CALY: variants seen among roughly 807,000 people sequenced by gnomAD.
CALY encodes neuron-specific vesicular protein calcyon.
In CALY, 15 loss-of-function variants were observed where a neutral mutation model predicts 20.2. The ratio of observed to expected loss-of-function variants is 0.74; its 90% confidence interval spans 0.50 to 1.14. The LOEUF (loss-of-function observed/expected upper bound fraction) is 1.14. Ranked by LOEUF, CALY falls within the 50% of genes most tolerant of loss-of-function variation. The pLI, the probability that CALY is intolerant of heterozygous loss-of-function variation, is 0.00. For missense variants in CALY, 270 were observed against 304.4 expected (o/e 0.89, Z 0.84); for synonymous variants, 129 against 131.8 (o/e 0.98, Z 0.15).
intron 1 of CALY, among the ~76,000 whole-genome samples, chr10:133,336,077 CGT>C (rs1848437140): frequency 6.6e-6 from 1 of 152,110 alleles, no homozygotes; most frequent in Non-Finnish European, 1.5e-5. Flanking sequence ...GGCACCAGCG[CGT>C]GTGACTGCGG....
intron 1 of CALY, among the ~76,000 whole-genome samples, chr10:133,330,953 G>A (rs1848296832): frequency 6.6e-6 from 1 of 152,142 alleles, no homozygotes; most frequent in African/African-American, 2.4e-5. Context: ...ATACAACAAG[G>A]TAACATATCA....
chr10:133,333,372 G>A lies in CALY; in HGVS notation c.-21+3462C>T, dbSNP rs185912879. Among the ~76,000 whole-genome samples the A allele has an allele frequency of 4.0e-3, 558 of 140,346 alleles. 4 individuals are homozygous for A. The highest frequency in any genetic ancestry group is 8.0e-3 in the South Asian group (31 of 3,876). 92.1% of individuals were successfully genotyped at this position (140,346 alleles called of 152,430 possible). On this transcript the variant is annotated intron_variant, in intron 1 of 5. Transcript: ENST00000252939. ...GGGGAAGGATTGCGCGGGTGGGGGT[G>A]GGGTGGAGGGGAGGGATCCGAGCGG...
intron 3 of CALY, chr10:133,327,543 G>A: frequency 1.7e-6 from 1 of 576,210 alleles, no homozygotes; most frequent in East Asian, 2.8e-5. Context: ...GATGAGAGAA[G>A]ATATTTGCCA....
At chr10:133,327,204 A>G (rs554698364) in intron 3 of CALY, among the ~76,000 whole-genome samples, 48 of 151,960 alleles carry the variant, frequency 3.2e-4, no homozygotes, top group Admixed American at 8.5e-4. Context: ...TGGCCCCTCC[A>G]CTGGGGTTCT....
chr10:133,336,035 G>A (rs949953422), intron 1 of CALY, among the ~76,000 whole-genome samples: 1 of 152,084 alleles, frequency 6.6e-6, no homozygotes, highest in East Asian at 1.9e-4. Context: ...CGTCACGCTG[G>A]GGGGTGCGCG....
intron 4 of CALY, among the ~76,000 whole-genome samples, chr10:133,326,537 C>T (rs980998831): frequency 6.6e-6 from 1 of 151,942 alleles, no homozygotes; most frequent in Non-Finnish European, 1.5e-5. Flanking sequence ...AAAATATCTG[C>T]CAAATAGGTG....
chr10:133,334,808 G>C (rs556427024), intron 1 of CALY, among the ~76,000 whole-genome samples: 73 of 152,164 alleles, frequency 4.8e-4, no homozygotes, highest in African/African-American at 1.6e-3. Context: ...ACCTGGCCAC[G>C]CGCTTTGGGG....
intron 3 of CALY, chr10:133,327,426 CG>C: frequency 8.0e-6 from 4 of 500,238 alleles, no homozygotes; most frequent in Non-Finnish European, 1.4e-5. Flanking sequence ...AGGCCAGGGG[CG>C]GGGAGCCCTA....
chr10:133,328,924 A>T lies in CALY; in HGVS notation c.66T>A (p.Ala22=). ...PGKDPGDQDG[A]AMDSVPLISP... ...TGATCAGAGGCACACTGTCCATGGC[A>T]GCCCCATCCTGGTCCCCAGGGTCTT... Residue 22 remains alanine, a synonymous_variant, in exon 2 of 6, where the codon GCT becomes GCA. Transcript: ENST00000252939. 1 of 1,557,884 alleles carries T rather than the reference A, an allele frequency of 6.4e-7. No homozygotes were observed. Among genetic ancestry groups the T allele is most frequent in the Non-Finnish European group, 8.7e-7 (1 of 1,150,490 alleles).
rs536650266 is a variant in CALY, at chr10:133,329,573, A to G, written c.-20-564T>C. 2.0e-5 allele frequency among the ~76,000 whole-genome samples: 3 copies of G among 150,930 alleles called. No homozygotes were observed. The East Asian group carries it at 5.9e-4, about 30-fold the overall frequency. ...GCTAATTTTTAAAATTTGTGTAGAG[A>G]CGGGGTTTCGTCAGGTTGCCCAGGC... On this transcript the variant is annotated intron_variant, in intron 1 of 5. Transcript: ENST00000252939.
At chr10:133,327,869 C>T in intron 3 of CALY, 36 bp downstream of exon 3, 2 of 1,408,444 alleles carry the variant, frequency 1.4e-6, no homozygotes, top group South Asian at 1.2e-5. Context: ...TCCTCCTGTC[C>T]TGAGTCCCCA....
At chr10:133,326,172 C>G in intron 4 of CALY, 52 bp from the exon 5 acceptor site, 1 of 1,572,724 alleles carries the variant, frequency 6.4e-7, no homozygotes, top group Non-Finnish European at 8.6e-7. Context: ...CCTGTGCGCC[C>G]CGGGCCCAGG....
Position 133,326,036 on chromosome 10 carries a change from C to G in CALY, c.445G>C (p.Gly149Arg). Residue 149 changes from glycine (G) to arginine (R), a missense_variant, in exon 5 of 6, where the codon GGG becomes CGG. Gly to Arg is a moderately radical substitution (Grantham distance 125). Coordinates refer to ENST00000252939, the MANE Select transcript of CALY (RefSeq NM_015722.4). Reference protein sequence around the residue: ...ERHRSILAAIGAYPLSRKHGT... With the variant: ...ERHRSILAAIRAYPLSRKHGT... ...TGCTTGCGGCTCAGCGGGTAGGCCC[C>G]GATGGCCGCCAGGATGCTGCGGTGG... is the stretch of plus-strand genomic sequence containing the variant. The G allele has an allele frequency of 6.3e-7, 1 of 1,591,426 alleles. No homozygotes were observed. Among genetic ancestry groups the G allele is most frequent in the South Asian group, 1.1e-5 (1 of 88,118 alleles).
chr10:133,336,008 C>T (rs1042878934), intron 1 of CALY, among the ~76,000 whole-genome samples: 2 of 152,116 alleles, frequency 1.3e-5, no homozygotes, highest in Non-Finnish European at 2.9e-5. Flanking sequence ...TGCGCCCCCC[C>T]CAACCATGGA....
At chr10:133,326,357 G>T in intron 4 of CALY, 1 of 1,224,628 alleles carries the variant, frequency 8.2e-7, no homozygotes, top group Non-Finnish European at 1.2e-6. Flanking sequence ...GACACCAGTG[G>T]ACCTGCCCAG....
intron 4 of CALY, 58 bp downstream of exon 4, chr10:133,326,820 G>C: frequency 1.7e-6 from 2 of 1,169,324 alleles, no homozygotes; most frequent in East Asian, 2.4e-5. Context: ...CCCCCTGCCT[G>C]GAGGCTACGG....
intron 1 of CALY, among the ~76,000 whole-genome samples, chr10:133,332,956 C>T (rs568906298): frequency 2.5e-4 from 38 of 152,154 alleles, no homozygotes; most frequent in African/African-American, 8.2e-4. Context: ...TCATTTTGGA[C>T]TTCTTGACTC....
intron 1 of CALY, among the ~76,000 whole-genome samples, chr10:133,336,534 G>A (rs1037463283): frequency 6.6e-6 from 1 of 152,172 alleles, no homozygotes; most frequent in Non-Finnish European, 1.5e-5. Context: ...TCCTCGTGCC[G>A]GGGCCCCGCC....
At chr10:133,329,392 C>CTTCTTCCTTTTTTTT (rs549430070) in intron 1 of CALY, among the ~76,000 whole-genome samples, 1 of 137,450 alleles carries the variant, frequency 7.3e-6, no homozygotes, top group African/African-American at 2.9e-5. Context: ...TCTTCTTCTT[C>CTTCTTCCTTTTTTTT]TTTTTTTTTT....
Sources: allele counts gnomAD v4.1 joint callset (sites outside exome capture counted in the v4.1 genomes callset), GRCh38; gene constraint gnomAD v4.1.1; transcripts MANE v1.5; gene names NCBI Gene and HGNC (gene_info 2026-07-23, HGNC 2026-07-21).